Variants in RBPMS observed in about 807,000 individuals in gnomAD.
RBPMS encodes RNA binding protein, mRNA processing factor.
In RBPMS, 7 loss-of-function variants were observed where a neutral mutation model predicts 26.8. That is an observed-to-expected ratio of 0.26 (90% CI 0.15 to 0.49). The LOEUF is 0.49. Among genes scored for constraint, RBPMS ranks in the 20% least tolerant of loss-of-function variants. The probability of loss-of-function intolerance (pLI) is 0.98; values close to 1 mark genes in which losing one functional copy is unlikely to be tolerated. For synonymous variants in RBPMS, 96 were observed against 93.3 expected (o/e 1.03, Z -0.17); for missense variants, 186 against 250.0 (o/e 0.74, Z 1.73).
chr8:30,468,720 A>G (rs1442466399), intron 1 of RBPMS, among the ~76,000 whole-genome samples: 117 of 152,218 alleles, frequency 7.7e-4, no homozygotes. Flanking sequence ...TAAAATGCCC[A>G]TAGAAAGGTT....
intron 4 of RBPMS, among the ~76,000 whole-genome samples, chr8:30,496,877 C>T (rs1454323120): frequency 6.6e-6 from 1 of 152,176 alleles, no homozygotes; most frequent in East Asian, 1.9e-4. Context: ...TTTCAGGCTC[C>T]AACTGAGCGT....
intron 4 of RBPMS, among the ~76,000 whole-genome samples, chr8:30,494,487 A>G (rs1819721840): frequency 6.6e-6 from 1 of 152,236 alleles, no homozygotes; most frequent in African/African-American, 2.4e-5. Flanking sequence ...AATATGGACT[A>G]TATTCATCCC....
chr8:30,562,105 C>T (rs928805971), intron 7 of RBPMS: 5 of 897,166 alleles, frequency 5.6e-6, no homozygotes, highest in Admixed American at 6.2e-5. Flanking sequence ...CTGAGGCAGG[C>T]GGATCACTTG....
At chr8:30,512,491 G>GT (rs2150960184) in intron 5 of RBPMS, among the ~76,000 whole-genome samples, 1 of 152,082 alleles carries the variant, frequency 6.6e-6, no homozygotes, top group Non-Finnish European at 1.5e-5. Flanking sequence ...TACTGTTGTT[G>GT]TTTTTTGAGG....
At chr8:30,489,601 C>T (rs1206481371) in intron 4 of RBPMS, among the ~76,000 whole-genome samples, 7 of 151,908 alleles carry the variant, frequency 4.6e-5, no homozygotes, top group South Asian at 4.2e-4. Flanking sequence ...CGCGCCGCCA[C>T]GCCCGGCGAA....
At chr8:30,470,494 G>A (rs4733186) in intron 1 of RBPMS, among the ~76,000 whole-genome samples, 36,943 of 152,030 alleles carry the variant, frequency 0.24, 4,833 homozygotes, top group East Asian at 0.42. Flanking sequence ...AAACTTGCTT[G>A]ATGACTTTCC....
chr8:30,556,290 CATGTCACT>C (rs1463139507), intron 6 of RBPMS: 1 of 985,466 alleles, frequency 1.0e-6, no homozygotes, highest in Non-Finnish European at 1.2e-6. Flanking sequence ...AACCCGCCTT[CATGTCACT>C]CTGGAGTGCG....
At chr8:30,517,665 G>A (rs1191195704) in intron 5 of RBPMS, among the ~76,000 whole-genome samples, 1 of 152,200 alleles carries the variant, frequency 6.6e-6, no homozygotes, top group Non-Finnish European at 1.5e-5. Flanking sequence ...TGCTCTTGGA[G>A]TGTTTACACA....
chr8:30,476,966 C>T (rs892242014), intron 2 of RBPMS, among the ~76,000 whole-genome samples: 7 of 152,198 alleles, frequency 4.6e-5, no homozygotes, highest in African/African-American at 1.7e-4. Flanking sequence ...CTGGTTCCTT[C>T]AGTAAGTTAG....
At chr8:30,487,105 C>T (rs924534168) in intron 4 of RBPMS, among the ~76,000 whole-genome samples, 2 of 152,190 alleles carry the variant, frequency 1.3e-5, no homozygotes, top group African/African-American at 4.8e-5. Flanking sequence ...CTTGTTTTGG[C>T]TGCTAAGATG....
chr8:30,388,696 A>G (rs1221595016), intron 1 of RBPMS, among the ~76,000 whole-genome samples: 2 of 151,978 alleles, frequency 1.3e-5, no homozygotes. Context: ...CAAAATAGAA[A>G]TTTAGATTAA....
At chr8:30,514,545 T>C (rs1026246217) in intron 5 of RBPMS, among the ~76,000 whole-genome samples, 8 of 152,046 alleles carry the variant, frequency 5.3e-5, no homozygotes, top group Non-Finnish European at 2.9e-5. Context: ...GTGATGTTAA[T>C]GAATTTTTTT....
At chr8:30,497,560 G>A (rs765109153) in intron 4 of RBPMS, among the ~76,000 whole-genome samples, 7 of 151,792 alleles carry the variant, frequency 4.6e-5, no homozygotes, top group African/African-American at 1.2e-4. Flanking sequence ...ATGATAAACC[G>A]GTAGAAGACT....
chr8:30,564,215 T>C (rs1827724988), intron 7 of RBPMS: 1 of 152,218 alleles, frequency 6.6e-6, no homozygotes, highest in African/African-American at 2.4e-5. Flanking sequence ...GGGTTTCTTT[T>C]TCAGAACACA....
intron 1 of RBPMS, among the ~76,000 whole-genome samples, chr8:30,414,368 G>A (rs1328198117): frequency 6.6e-6 from 1 of 152,188 alleles, no homozygotes; most frequent in African/African-American, 2.4e-5. Context: ...AGGAACTTTG[G>A]CCTCAGTAGT....
At chr8:30,441,852 C>G (rs1813109730) in intron 1 of RBPMS, among the ~76,000 whole-genome samples, 1 of 152,212 alleles carries the variant, frequency 6.6e-6, no homozygotes, top group African/African-American at 2.4e-5. Context: ...TTCAGTGGCA[C>G]AGTCTCGGCT....
intron 1 of RBPMS, among the ~76,000 whole-genome samples, chr8:30,468,606 A>C (rs1356246322): frequency 6.6e-6 from 1 of 152,176 alleles, no homozygotes; most frequent in Non-Finnish European, 1.5e-5. Context: ...GATTATGTAA[A>C]TCCTTGGATT....
chr8:30,423,879 C>A (rs1163445249), intron 1 of RBPMS, among the ~76,000 whole-genome samples: 1 of 151,864 alleles, frequency 6.6e-6, no homozygotes, highest in Non-Finnish European at 1.5e-5. Flanking sequence ...ACTCTGCCAC[C>A]CAGGCTGGAG....
At chr8:30,544,712 A>G (rs1160063929) in intron 6 of RBPMS, 88 bp downstream of exon 6, 1 of 1,603,620 alleles carries the variant, frequency 6.2e-7, no homozygotes, top group East Asian at 2.2e-5. Flanking sequence ...TACAACTAAC[A>G]CCTATCCAGC....
Sources: gnomAD v4.1 joint callset for allele counts (sites outside exome capture counted in the v4.1 genomes callset) on GRCh38, gnomAD v4.1.1 for gene constraint, MANE v1.5 for transcripts, NCBI Gene and HGNC (gene_info 2026-07-23, HGNC 2026-07-21) for gene names.